Variants in MTHFD1L observed in about 807,000 individuals in gnomAD.
The protein encoded by MTHFD1L is methylenetetrahydrofolate dehydrogenase (NADP+ dependent) 1 like, also known as monofunctional C1-tetrahydrofolate synthase, mitochondrial.
In MTHFD1L, 81 loss-of-function variants were observed where a neutral mutation model predicts 119.5. The ratio of observed to expected loss-of-function variants is 0.68; its 90% CI spans 0.57 to 0.82. The LOEUF (loss-of-function observed/expected upper bound fraction) is 0.82. Ranked by LOEUF, MTHFD1L falls within the 40% of genes least tolerant of loss-of-function variation. The pLI, the probability that MTHFD1L is intolerant of heterozygous loss-of-function variation, is 0.00. For synonymous variants in MTHFD1L, 430 were observed against 475.2 expected (o/e 0.90, Z 1.24); for missense variants, 1,125 against 1,253.4 (o/e 0.90, Z 1.55).
intron 27 of MTHFD1L, among the ~76,000 whole-genome samples, chr6:151,097,251 T>C (rs1315321969): frequency 1.3e-5 from 2 of 152,230 alleles, no homozygotes; most frequent in Non-Finnish European, 2.9e-5. Context: ...TTCACTCCAG[T>C]CCTGCTACAA....
intron 6 of MTHFD1L, 56 bp downstream of exon 6, chr6:150,885,790 T>A: frequency 7.4e-7 from 1 of 1,355,150 alleles, no homozygotes; most frequent in South Asian, 1.3e-5. Context: ...TTTACATTAT[T>A]TTTAATAAGG....
intron 5 of MTHFD1L, among the ~76,000 whole-genome samples, chr6:150,883,543 G>T (rs1214757573): frequency 6.6e-6 from 1 of 152,098 alleles, no homozygotes; most frequent in Non-Finnish European, 1.5e-5. Flanking sequence ...TTAGAAACCT[G>T]ATTCCCCAGC....
intron 26 of MTHFD1L, among the ~76,000 whole-genome samples, chr6:151,087,205 C>T (rs7769497): frequency 0.035 from 5,378 of 151,860 alleles, 314 homozygotes; most frequent in African/African-American, 0.12. Context: ...GCTGAGATCA[C>T]GCTGCTGCAG....
chr6:151,006,372 G>C (rs185864253), intron 20 of MTHFD1L, among the ~76,000 whole-genome samples: 1 of 152,148 alleles, frequency 6.6e-6, no homozygotes, highest in Non-Finnish European at 1.5e-5. Context: ...CATAGAGTAT[G>C]TGGGCTGTGC....
intron 1 of MTHFD1L, among the ~76,000 whole-genome samples, chr6:150,875,758 A>T (rs1246299413): frequency 6.6e-6 from 1 of 152,056 alleles, no homozygotes; most frequent in Non-Finnish European, 1.5e-5. Flanking sequence ...ATGGTGGAGG[A>T]GAGCGATTAT....
rs1793688761 is a variant in MTHFD1L at position 151,085,259 on chromosome 6, C to CT, written c.2848-7205dup. ...GAACAGGCTTTCTACCATTAAAAAACTTTATAGTCTTCTTTACAAAAGAAG... is the reference window on the plus strand; with the variant it reads ...GAACAGGCTTTCTACCATTAAAAAACTTTTATAGTCTTCTTTACAAAAGAAG... On this transcript the variant is annotated intron_variant, in intron 26 of 27. Transcript: ENST00000367321. Among the ~76,000 whole-genome samples, 5 of 152,010 alleles carry CT rather than the reference C, an allele frequency of 3.3e-5. No homozygotes were observed. The South Asian group carries it at 8.3e-4, about 25-fold the overall frequency.
chr6:151,001,811 C>G (rs1780664886), intron 20 of MTHFD1L, among the ~76,000 whole-genome samples: 1 of 152,170 alleles, frequency 6.6e-6, no homozygotes, highest in African/African-American at 2.4e-5. Context: ...AGAATACTCC[C>G]TGCTGCTGCC....
chr6:150,996,604 T>C (rs569753053), intron 20 of MTHFD1L, among the ~76,000 whole-genome samples: 4 of 152,294 alleles, frequency 2.6e-5, no homozygotes, highest in South Asian at 4.1e-4. Flanking sequence ...TGTGGACTCT[T>C]CTCAAACTCT....
rs146092934 is a variant in MTHFD1L, at chr6:151,019,720, G to A, written c.2586+4027G>A. 3.3e-5 allele frequency among the ~76,000 whole-genome samples: 5 copies of A among 152,256 alleles called. No homozygotes were observed. In the East Asian group the frequency reaches 9.6e-4, roughly 29 times the overall value. On this transcript the variant is annotated intron_variant, in intron 24 of 27. Coordinates refer to ENST00000367321, the MANE Select transcript of MTHFD1L (RefSeq NM_015440.5). ...ATGAAAAGAGCTGCTGCTGCTGCTG[G>A]CTCTCTTTGTACTGTCTGCCTGTTA...
At chr6:151,042,086 A>C (rs765787690) in intron 26 of MTHFD1L, 26 of 322,434 alleles carry the variant, frequency 8.1e-5, no homozygotes, top group Non-Finnish European at 1.4e-4. Context: ...TCACTAGTCT[A>C]TTTCACTGCC....
chr6:151,056,997 T>A (rs1364466470), intron 26 of MTHFD1L, among the ~76,000 whole-genome samples: 1 of 152,070 alleles, frequency 6.6e-6, no homozygotes, highest in African/African-American at 2.4e-5. Context: ...TATTTTGGGG[T>A]TTTTTGCTTT....
At chr6:150,998,998 A>ATATATC (rs1780229272) in intron 20 of MTHFD1L, among the ~76,000 whole-genome samples, 1 of 150,474 alleles carries the variant, frequency 6.6e-6, no homozygotes, top group Non-Finnish European at 1.5e-5. Flanking sequence ...TTAAAAAAAT[A>ATATATC]TATATACATA....
intron 20 of MTHFD1L, among the ~76,000 whole-genome samples, chr6:150,994,003 A>G (rs2128449625): frequency 6.7e-6 from 1 of 149,162 alleles, no homozygotes; most frequent in South Asian, 2.2e-4. Flanking sequence ...GTTTCTCAGT[A>G]GTCTCTGTAT....
chr6:150,985,345 G>A (rs1332364141), intron 20 of MTHFD1L: 3 of 152,152 alleles, frequency 2.0e-5, no homozygotes, highest in Non-Finnish European at 2.9e-5. Flanking sequence ...ACTTAGAGGT[G>A]ATCTGAGAAA....
intron 26 of MTHFD1L, among the ~76,000 whole-genome samples, chr6:151,071,837 A>ATTTTTTTTTTTT (rs753092094): frequency 1.9e-5 from 2 of 107,508 alleles, no homozygotes; most frequent in African/African-American, 3.6e-5. Context: ...GTAAGTACAG[A>ATTTTTTTTTTTT]TTTTTTTTTT....
intron 1 of MTHFD1L, 91 bp downstream of exon 1, chr6:150,866,140 G>A (rs1056988535): frequency 2.1e-6 from 3 of 1,418,194 alleles, no homozygotes; most frequent in Admixed American, 2.8e-5. Flanking sequence ...GGGGAGCGGG[G>A]CGCGGGGCTG....
rs774908616 is a variant in MTHFD1L at position 150,885,658 on chromosome 6, G to C, written c.567G>C (p.Lys189Asn). ...GAGTAACAGACATAAACCTGGGGAA[G>C]CTGGTGCGAGGGGATGCCCATGAAT... ...VDGVTDINLG[K>N]LVRGDAHECF... Residue 189 changes from lysine to asparagine, a missense_variant, in exon 6 of 28, where the codon AAG becomes AAC. Coordinates refer to ENST00000367321, the MANE Select transcript of MTHFD1L (RefSeq NM_015440.5). 6.2e-7 allele frequency: 1 copy of C among 1,613,992 alleles called. No individual in the cohort carries two copies. Among genetic ancestry groups the C allele is most frequent in the Non-Finnish European group, 8.5e-7 (1 of 1,179,938 alleles).
intron 19 of MTHFD1L, among the ~76,000 whole-genome samples, chr6:150,968,846 CTTTTT>C (rs145806257): frequency 9.2e-6 from 1 of 108,538 alleles, no homozygotes. Flanking sequence ...TTAAATAATT[CTTTTT>C]TTTTTTTTTT....
chr6:150,927,560 G>A (rs770448530), intron 11 of MTHFD1L, among the ~76,000 whole-genome samples: 23 of 150,610 alleles, frequency 1.5e-4, no homozygotes, highest in Non-Finnish European at 2.2e-4. Context: ...GGGTTCAAGC[G>A]ATTCTCCTGC....
Sources: gnomAD v4.1 joint callset for allele counts (sites outside exome capture counted in the v4.1 genomes callset) on GRCh38, gnomAD v4.1.1 for gene constraint, MANE v1.5 for transcripts, NCBI Gene and HGNC (gene_info 2026-07-23, HGNC 2026-07-21) for gene names.